DNAAF4: variants seen among roughly 807,000 people sequenced by gnomAD.
DNAAF4 encodes dynein assembly factor 4, axonemal.
In DNAAF4, 43 loss-of-function variants were observed where a neutral mutation model predicts 51.8. The observed-to-expected ratio is 0.83, with a 90% CI of 0.65 to 1.07. The LOEUF is 1.07. DNAAF4 is among the 50% of genes least tolerant of loss of function. The pLI is 0.00. For synonymous variants in DNAAF4, 194 were observed against 165.6 expected, an observed-to-expected ratio of 1.17 and a Z score of -1.32; for missense variants, 581 against 493.0, an observed-to-expected ratio of 1.18 and a Z score of -1.69.
At chr15:55,429,218 T>C (rs555409542), downstream of DNAAF4, among the ~76,000 whole-genome samples, 1 of 144,764 alleles carries the variant, frequency 6.9e-6, no homozygotes, top group East Asian at 2.1e-4. Flanking sequence ...CCAGACTACA[T>C]CTCAAAAATA....
intron 5 of DNAAF4, among the ~76,000 whole-genome samples, chr15:55,461,112 A>G (rs755189330): frequency 5.3e-5 from 8 of 151,282 alleles, no homozygotes; most frequent in Admixed American, 2.6e-4. Context: ...ACTGTTGCCC[A>G]GGCTGGAGTG....
At chr15:55,444,256 A>G (rs1420599583) in intron 6 of DNAAF4, among the ~76,000 whole-genome samples, 2 of 152,200 alleles carry the variant, frequency 1.3e-5, no homozygotes, top group African/African-American at 2.4e-5. Flanking sequence ...TCAGCTTTCT[A>G]CATATGGCTA....
At chr15:55,442,034 A>C (rs1401408949) in intron 6 of DNAAF4, among the ~76,000 whole-genome samples, 1 of 152,126 alleles carries the variant, frequency 6.6e-6, no homozygotes, top group African/African-American at 2.4e-5. Flanking sequence ...TAGCATTTTC[A>C]AGTTTGCAGG....
At chr15:55,452,020 G>A (rs886257403) in intron 5 of DNAAF4, among the ~76,000 whole-genome samples, 37 of 152,060 alleles carry the variant, frequency 2.4e-4, no homozygotes, top group African/African-American at 8.9e-4. Context: ...GCTGAGGCGG[G>A]TGGATCACTT....
At chr15:55,438,923 T>G (rs1595895211) in intron 7 of DNAAF4, among the ~76,000 whole-genome samples, 1 of 152,330 alleles carries the variant, frequency 6.6e-6, no homozygotes, top group Admixed American at 6.5e-5. Context: ...TTAATAAGCA[T>G]TCCAAAAGAT....
At chr15:55,453,938 G>C (rs1413912969) in intron 5 of DNAAF4, among the ~76,000 whole-genome samples, 3 of 152,034 alleles carry the variant, frequency 2.0e-5, no homozygotes, top group Non-Finnish European at 2.9e-5. Flanking sequence ...CATGGTTGAA[G>C]AAAATTTATA....
chr15:55,498,481 G>A lies in DNAAF4; in HGVS notation c.-152C>T, dbSNP rs2058670084. Reference sequence around the variant, plus strand: ...CGTGCTCCGGCGCCAGCACCTCGCGGACTCCATGCGTGACTATCCAGGCGC... The same window carrying A: ...CGTGCTCCGGCGCCAGCACCTCGCGAACTCCATGCGTGACTATCCAGGCGC... On this transcript the variant is annotated 5_prime_UTR_variant, in exon 2 of 10. Coordinates refer to ENST00000321149, the MANE Select transcript of DNAAF4 (RefSeq NM_130810.4). The A allele has an allele frequency of 8.6e-7, 1 of 1,156,446 alleles. No individual in the cohort carries two copies. The highest frequency in any genetic ancestry group is 2.8e-5 in the East Asian group (1 of 35,392). The allele number at this position is 1,156,446 out of a possible 1,614,324, so 71.6% of individuals were successfully genotyped here.
chr15:55,450,377 C>T lies in DNAAF4; in HGVS notation c.638-10G>A. ...TTTTCTGAATTTCTCCCTTCAAAAA[C>T]AATGGTAGCAAACAAGTCACTTATT... On this transcript the variant is annotated splice_polypyrimidine_tract_variant and intron_variant, in intron 5 of 9. Transcript: ENST00000321149. 10 of 1,607,228 alleles carry T rather than the reference C, an allele frequency of 6.2e-6. No homozygotes were observed. Among genetic ancestry groups the T allele is most frequent in the Non-Finnish European group, 7.6e-6 (9 of 1,177,688 alleles).
chr15:55,450,352 T>C lies in DNAAF4; in HGVS notation c.653A>G (p.Asn218Ser). The C allele has an allele frequency of 6.2e-7, 1 of 1,609,372 alleles. No homozygotes were observed. The highest frequency in any genetic ancestry group is 8.5e-7 in the Non-Finnish European group (1 of 1,178,902). Reference sequence around the variant, plus strand: ...TTCCTTTAACTTCTCAGTAAATATATTTTCTGAATTTCTCCCTTCAAAAAC... The same window carrying C: ...TTCCTTTAACTTCTCAGTAAATATACTTTCTGAATTTCTCCCTTCAAAAAC... ...NLAPKGRNSE[N>S]IFTEKLKEDS... Residue 218 changes from asparagine (N) to serine (S), a missense_variant, in exon 6 of 10, where the codon AAT (asparagine) becomes AGT (serine). Coordinates refer to ENST00000321149, the MANE Select transcript of DNAAF4 (RefSeq NM_130810.4).
At chr15:55,468,870 A>T (rs1214080082) in intron 4 of DNAAF4, among the ~76,000 whole-genome samples, 1 of 152,204 alleles carries the variant, frequency 6.6e-6, no homozygotes, top group East Asian at 1.9e-4. Flanking sequence ...TATATTAGAG[A>T]CAGAAATAGT....
In DNAAF4 at chr15:55,435,741, T is replaced by G. The variant is rs1045347444; in HGVS notation, c.894-683A>C. On this transcript the variant is annotated intron_variant, in intron 7 of 9. Transcript: ENST00000321149. ...CCAAAATTCTCTTCAAATAAAGAGATGTACACGATTAAAGGATTTCTTCAA... is the reference window on the plus strand; with the variant it reads ...CCAAAATTCTCTTCAAATAAAGAGAGGTACACGATTAAAGGATTTCTTCAA... Among the ~76,000 whole-genome samples, 62 of 152,226 alleles carry G rather than the reference T, an allele frequency of 4.1e-4. 1 individual carries two copies. Among genetic ancestry groups the G allele is most frequent in the Non-Finnish European group, 1.5e-5 (1 of 68,048 alleles).
intron 7 of DNAAF4, among the ~76,000 whole-genome samples, chr15:55,436,134 T>G (rs1263868048): frequency 6.6e-6 from 1 of 152,172 alleles, no homozygotes; most frequent in African/African-American, 2.4e-5. Context: ...CCATAGCAGC[T>G]GGATCATTCA....
At chr15:55,468,156 A>C (rs1464473168) in intron 4 of DNAAF4, among the ~76,000 whole-genome samples, 1 of 152,182 alleles carries the variant, frequency 6.6e-6, no homozygotes, top group Non-Finnish European at 1.5e-5. Flanking sequence ...TTACATTTAA[A>C]TAGGACATCT....
chr15:55,448,666 G>C (rs2057881133), intron 6 of DNAAF4, among the ~76,000 whole-genome samples: 1 of 151,596 alleles, frequency 6.6e-6, no homozygotes. Context: ...TCAGGAGATT[G>C]AGACCATCCT....
At position 55,439,644 on chromosome 15, in the gene DNAAF4, T is replaced by G. The variant is rs1225973035; in HGVS notation, c.784-63A>C. On this transcript the variant is annotated intron_variant, in intron 6 of 9. Coordinates refer to ENST00000321149, the MANE Select transcript of DNAAF4 (RefSeq NM_130810.4). ...TCTTTTTTTAATTAACATTTCCTTTTAGATTTTCCATCTTCCTCCAGTGGA... is the reference window on the plus strand; with the variant it reads ...TCTTTTTTTAATTAACATTTCCTTTGAGATTTTCCATCTTCCTCCAGTGGA... The G allele has an allele frequency of 4.9e-6, 7 of 1,426,706 alleles. No homozygotes were observed. In the African/African-American group the frequency reaches 1.0e-4, roughly 20 times the overall value. 88.4% of individuals were successfully genotyped at this position (1,426,706 alleles called of 1,614,324 possible).
At chr15:55,462,320 GTAGATGGGATTACAGGCACA>G (rs1334007334) in intron 5 of DNAAF4, among the ~76,000 whole-genome samples, 1 of 151,910 alleles carries the variant, frequency 6.6e-6, no homozygotes, top group Non-Finnish European at 1.5e-5. Flanking sequence ...AGCTTCCCGA[GTAGATGGGATTACAGGCACA>G]TGCCACCACA....
intron 7 of DNAAF4, among the ~76,000 whole-genome samples, chr15:55,421,839 A>G (rs1022299338): frequency 6.6e-6 from 1 of 151,148 alleles, no homozygotes; most frequent in Non-Finnish European, 1.5e-5. Flanking sequence ...CGGTGAGCCG[A>G]TATCACACCA....
chr15:55,465,389 T>TACAC (rs200097648), intron 5 of DNAAF4, among the ~76,000 whole-genome samples: 55,428 of 127,994 alleles, frequency 0.43, 11,554 homozygotes, highest in East Asian at 0.62. Flanking sequence ...ATATGGTGTA[T>TACAC]ATATACACAC....
intron 3 of DNAAF4, among the ~76,000 whole-genome samples, chr15:55,493,749 G>C (rs1306231857): frequency 6.6e-6 from 1 of 152,118 alleles, no homozygotes; most frequent in Non-Finnish European, 1.5e-5. Context: ...TGTCACCCAG[G>C]TTGGAGTGCA....
Sources: allele counts gnomAD v4.1 joint callset (sites outside exome capture counted in the v4.1 genomes callset), GRCh38; gene constraint gnomAD v4.1.1; transcripts MANE v1.5; gene names NCBI Gene and HGNC (gene_info 2026-07-23, HGNC 2026-07-21).